YWHAZ: variants seen among roughly 807,000 people sequenced by gnomAD.
The protein encoded by YWHAZ is tyrosine 3-monooxygenase/tryptophan 5-monooxygenase activation protein zeta, also known as 14-3-3 protein zeta/delta.
For missense variants in YWHAZ, 79 were observed against 284.8 expected, an observed-to-expected ratio of 0.28 and a Z score of 5.20; for synonymous variants, 87 against 103.6, an observed-to-expected ratio of 0.84 and a Z score of 0.97.
At chr8:100,943,908 G>A (rs555014252) in intron 2 of YWHAZ, among the ~76,000 whole-genome samples, 9 of 148,322 alleles carry the variant, frequency 6.1e-5, no homozygotes, top group South Asian at 2.2e-4. Flanking sequence ...AATGGCGTGA[G>A]CCCGGAAGGC....
intron 2 of YWHAZ, among the ~76,000 whole-genome samples, chr8:100,943,735 C>T (rs1810044047): frequency 6.6e-6 from 1 of 152,054 alleles, no homozygotes; most frequent in South Asian, 2.1e-4. Context: ...GCCTGTAATC[C>T]CAGCACTTTG....
In YWHAZ at chr8:100,918,411, T is replaced by C. The variant is rs1472604455; in HGVS notation, c.*2282A>G. ...CTAGCTATAAAATATAATTACTTTA[T>C]ATATATATATATATATATATATATA... On this transcript the variant is annotated 3_prime_UTR_variant, in exon 6 of 6. Transcript: ENST00000395958. The C allele has an allele frequency of 3.9e-5, 2 of 51,086 alleles. No individual in the cohort carries two copies. Among genetic ancestry groups the C allele is most frequent in the African/African-American group, 8.9e-5 (1 of 11,286 alleles). The allele number at this position is 51,086 out of a possible 1,614,324, so 3.2% of individuals were successfully genotyped here.
At chr8:100,952,166 G>GC (rs1290754095), upstream of YWHAZ, 6 of 985,028 alleles carry the variant, frequency 6.1e-6, no homozygotes, top group Middle Eastern at 2.1e-3. Flanking sequence ...AGCGATCGGG[G>GC]CCCCGCGTAA....
intron 2 of YWHAZ, among the ~76,000 whole-genome samples, chr8:100,940,361 A>G (rs1586137561): frequency 6.6e-6 from 1 of 152,136 alleles, no homozygotes; most frequent in Non-Finnish European, 1.5e-5. Flanking sequence ...GATAAACTAC[A>G]TGGGGGACTA....
At chr8:100,945,815 C>A (rs934032292) in intron 2 of YWHAZ, among the ~76,000 whole-genome samples, 6 of 151,856 alleles carry the variant, frequency 4.0e-5, no homozygotes, top group African/African-American at 1.4e-4. Context: ...AAAGAAAAAG[C>A]TAGGGAAATT....
At chr8:100,930,797 A>G (rs1813708109) in intron 2 of YWHAZ, among the ~76,000 whole-genome samples, 2 of 152,222 alleles carry the variant, frequency 1.3e-5, no homozygotes, top group South Asian at 4.1e-4. Flanking sequence ...TCTTTTAAAG[A>G]TATCATGGCC....
Position 100,918,020 on chromosome 8 carries a change from C to A in YWHAZ, c.*2673G>T, listed in dbSNP as rs1367891701. 6.6e-6 allele frequency: 1 copy of A among 151,904 alleles called. No homozygotes were observed. The highest frequency in any genetic ancestry group is 1.5e-5 in the Non-Finnish European group (1 of 67,972). The allele number at this position is 151,904 out of a possible 1,614,324, so 9.4% of individuals were successfully genotyped here. A position where few individuals can be genotyped will look rare whatever the true frequency, so the allele number is the denominator to read the frequency against. ...GATGCACATTAAATAGGCAAATGTG[C>A]CAAGTTTCAGGTTTTATTTACTTGA... On this transcript the variant is annotated 3_prime_UTR_variant, in exon 6 of 6. Coordinates refer to ENST00000395958, the MANE Select transcript of YWHAZ (RefSeq NM_145690.3).
upstream of YWHAZ, chr8:100,953,342 C>A: frequency 1.0e-6 from 1 of 985,268 alleles, no homozygotes; most frequent in Non-Finnish European, 1.2e-6. Flanking sequence ...GGGAGTGGGC[C>A]ACAGGCCGGG....
rs961051479 is a variant in YWHAZ, at chr8:100,918,770, C to A, written c.*1923G>T. The A allele has an allele frequency of 9.8e-5, 15 of 152,492 alleles. No individual in the cohort carries two copies. Among genetic ancestry groups the A allele is most frequent in the African/African-American group, 3.6e-4 (15 of 41,382 alleles). The allele number at this position is 152,492 out of a possible 1,614,324, so 9.4% of individuals were successfully genotyped here. A position where few individuals can be genotyped will look rare whatever the true frequency, so the allele number is the denominator to read the frequency against. ...TTGAGCATTTACAGTGTACTAGGCA[C>A]AATAGAACATACAGAAAACATTGTC... On this transcript the variant is annotated 3_prime_UTR_variant, in exon 6 of 6. Transcript: ENST00000395958.
At position 100,948,175 on chromosome 8, in the gene YWHAZ, G is replaced by C; in HGVS notation, c.294+421C>G. Reference sequence around the variant, plus strand: ...TTAACATTATAGCGGCTAATCCTGAGAAGAGTACTATTTCTACAATGAGTA... The same window carrying C: ...TTAACATTATAGCGGCTAATCCTGACAAGAGTACTATTTCTACAATGAGTA... On this transcript the variant is annotated intron_variant, in intron 2 of 5. Transcript: ENST00000395958. The surrounding 1 kb of genome is among the most constrained non-coding windows in gnomAD (Gnocchi z 4.2). 6.6e-7 allele frequency: 1 copy of C among 1,518,104 alleles called. No homozygotes were observed. The highest frequency in any genetic ancestry group is 1.2e-5 in the South Asian group (1 of 81,748). 94.0% of individuals were successfully genotyped at this position (1,518,104 alleles called of 1,614,324 possible). A position where few individuals can be genotyped will look rare whatever the true frequency, so the allele number is the denominator to read the frequency against.
At position 100,918,407 on chromosome 8, in the gene YWHAZ, TTTATATATATATATATA is replaced by T; in HGVS notation, c.*2269_*2285del. 2.9e-5 allele frequency: 2 copies of T among 68,576 alleles called. 1 individual carries two copies. The allele number at this position is 68,576 out of a possible 1,614,324, so 4.2% of individuals were successfully genotyped here. ...CAGTCTAGCTATAAAATATAATTACTTTATATATATATATATATATATATATATATATATATAATTAT... is the reference window on the plus strand; with the variant it reads ...CAGTCTAGCTATAAAATATAATTACTTATATATATATATATATATAATTAT... On this transcript the variant is annotated 3_prime_UTR_variant, in exon 6 of 6. Transcript: ENST00000395958.
At chr8:100,938,055 G>A (rs567035138) in intron 2 of YWHAZ, among the ~76,000 whole-genome samples, 85 of 151,194 alleles carry the variant, frequency 5.6e-4, no homozygotes, top group Admixed American at 2.2e-3. Context: ...ACTTGAACCC[G>A]GGAGGCAGAG....
chr8:100,923,426 A>G (rs1813163401), intron 5 of YWHAZ: 1 of 138,652 alleles, frequency 7.2e-6, no homozygotes, highest in Non-Finnish European at 1.7e-5. Flanking sequence ...ATATTCAAAC[A>G]TTATTAGGGA....
At chr8:100,951,572 G>C in intron 1 of YWHAZ, 1 of 985,422 alleles carries the variant, frequency 1.0e-6, no homozygotes, top group Non-Finnish European at 1.2e-6. Context: ...GATGGATCGC[G>C]GCCGGCGGCG....
At position 100,946,976 on chromosome 8, in the gene YWHAZ, G is replaced by A. The variant is rs981010931; in HGVS notation, c.294+1620C>T. Among the ~76,000 whole-genome samples the A allele has an allele frequency of 7.9e-5, 12 of 151,400 alleles. No individual in the cohort carries two copies. In the East Asian group the frequency reaches 9.7e-4, roughly 12 times the overall value. ...ATTTTCAAAATTTAAATATTTGGCC[G>A]GGCGCGGTGGCTCAAGCCTGTAATC... On this transcript the variant is annotated intron_variant, in intron 2 of 5. Coordinates refer to ENST00000395958, the MANE Select transcript of YWHAZ (RefSeq NM_145690.3).
At position 100,920,795 on chromosome 8, in the gene YWHAZ, T is replaced by TTGGGG. The variant is rs373030011; in HGVS notation, c.679-44_679-43insCCCCA. The TTGGGG allele has an allele frequency of 3.5e-4, 31 of 88,794 alleles. 1 individual carries two copies. The African/African-American group carries it at 3.7e-3, about 10-fold the overall frequency. The allele number at this position is 88,794 out of a possible 1,614,324, so 5.5% of individuals were successfully genotyped here. ...GATTTTTCAGCAAGTTTCAGTGGGA[T>TTGGGG]GGGGGGGGGGGGGCGTTTTCATATA... On this transcript the variant is annotated intron_variant, in intron 5 of 5. Transcript: ENST00000395958.
In YWHAZ at chr8:100,924,407, A is replaced by G. The variant is rs1813222821; in HGVS notation, c.419-109T>C. ...ATCCTTTGAAATACTAACCTGTAACAGCTTAATATTTGTTAATTGAACAAG... is the reference window on the plus strand; with the variant it reads ...ATCCTTTGAAATACTAACCTGTAACGGCTTAATATTTGTTAATTGAACAAG... On this transcript the variant is annotated intron_variant, in intron 3 of 5. Coordinates refer to ENST00000395958, the MANE Select transcript of YWHAZ (RefSeq NM_145690.3). The surrounding 1 kb of genome is among the most constrained non-coding windows in gnomAD (Gnocchi z 5.7). The G allele has an allele frequency of 8.8e-7, 1 of 1,137,006 alleles. No individual in the cohort carries two copies. Among genetic ancestry groups the G allele is most frequent in the African/African-American group, 1.6e-5 (1 of 63,972 alleles). 70.4% of individuals were successfully genotyped at this position (1,137,006 alleles called of 1,614,324 possible).
At chr8:100,933,306 C>G (rs1813887801) in intron 2 of YWHAZ, among the ~76,000 whole-genome samples, 1 of 151,766 alleles carries the variant, frequency 6.6e-6, no homozygotes, top group South Asian at 2.1e-4. Context: ...TTGCAGTGAG[C>G]CGAGATTGTG....
chr8:100,943,960 C>G (rs1428297095), intron 2 of YWHAZ, among the ~76,000 whole-genome samples: 1 of 136,956 alleles, frequency 7.3e-6, no homozygotes, highest in South Asian at 2.4e-4. Context: ...GCACTCCAGC[C>G]TAGGCGACAG....
Sources: allele counts gnomAD v4.1 joint callset (sites outside exome capture counted in the v4.1 genomes callset), GRCh38; gene constraint gnomAD v4.1.1; non-coding constraint Gnocchi (gnomAD v3.1); transcripts MANE v1.5; gene names NCBI Gene and HGNC (gene_info 2026-07-23, HGNC 2026-07-21).